The following GLTP variants were observed in gnomAD, a reference collection of about 807,000 sequenced individuals.
The protein encoded by GLTP is glycolipid transfer protein.
GLTP carries 22 observed loss-of-function variants against 24.0 expected under a neutral mutation model. That is an observed-to-expected ratio of 0.92 (90% confidence interval 0.65 to 1.31). GLTP has a LOEUF of 1.31. Ranked by LOEUF, GLTP falls within the 50% of genes most tolerant of loss-of-function variation. GLTP has a pLI of 0.00. For missense variants in GLTP, 224 were observed against 276.6 expected (o/e 0.81, Z 1.35); for synonymous variants, 92 against 115.9 (o/e 0.79, Z 1.33).
rs1404860638 is a variant in GLTP at position 109,855,496 on chromosome 12, C to A, written c.447+123G>T. ...GCCTCACCCAAATAGATGAGGGAGCCCTTCCTGAGCCCGAGGGGGTAAACA... is the reference window on the plus strand; with the variant it reads ...GCCTCACCCAAATAGATGAGGGAGCACTTCCTGAGCCCGAGGGGGTAAACA... On this transcript the variant is annotated intron_variant, in intron 4 of 4. Coordinates refer to ENST00000318348, the MANE Select transcript of GLTP (RefSeq NM_016433.4). The surrounding 1 kb of genome is among the most constrained non-coding windows in gnomAD (Gnocchi z 4.1). 7 of 812,208 alleles carry A rather than the reference C, an allele frequency of 8.6e-6. No individual in the cohort carries two copies. Among genetic ancestry groups the A allele is most frequent in the African/African-American group, 1.7e-5 (1 of 57,414 alleles). 50.3% of individuals were successfully genotyped at this position (812,208 alleles called of 1,614,324 possible).
rs184234146 is a variant in GLTP at position 109,869,839 on chromosome 12, G to A, written c.103+10433C>T. Among the ~76,000 whole-genome samples, 76 of 151,672 alleles carry A rather than the reference G, an allele frequency of 5.0e-4. No individual in the cohort carries two copies. The East Asian group carries it at 5.1e-3, about 10-fold the overall frequency. ...GGCTGGAGTGCAGTGGCGCGATCTC[G>A]GCTCACTGCAACCTCCACCTCCCAG... On this transcript the variant is annotated intron_variant, in intron 1 of 4. Coordinates refer to ENST00000318348, the MANE Select transcript of GLTP (RefSeq NM_016433.4).
intron 1 of GLTP, among the ~76,000 whole-genome samples, chr12:109,869,303 C>CAAAAAAAAA (rs140914540): frequency 4.1e-5 from 2 of 49,020 alleles, no homozygotes; most frequent in South Asian, 1.2e-3. Context: ...GGCTCTACCT[C>CAAAAAAAAA]AAAAAAAAAA....
At chr12:109,858,216 G>A (rs931858810) in intron 2 of GLTP, 9 of 457,288 alleles carry the variant, frequency 2.0e-5, no homozygotes, top group Non-Finnish European at 4.0e-5. Context: ...GATAACACAG[G>A]ACCAGCCTCA....
At chr12:109,872,552 A>AT (rs1448279461) in intron 1 of GLTP, among the ~76,000 whole-genome samples, 1 of 152,150 alleles carries the variant, frequency 6.6e-6, no homozygotes, top group African/African-American at 2.4e-5. Context: ...AGGGCCCTCC[A>AT]TAGCCCTCCT....
chr12:109,853,007 T>C (rs1212557791), intron 4 of GLTP, among the ~76,000 whole-genome samples: 1 of 152,212 alleles, frequency 6.6e-6, no homozygotes, highest in African/African-American at 2.4e-5. Flanking sequence ...TTAGCCTCTC[T>C]GAGCTTCAGC....
At chr12:109,869,570 C>T (rs534428779) in intron 1 of GLTP, among the ~76,000 whole-genome samples, 6 of 150,478 alleles carry the variant, frequency 4.0e-5, no homozygotes, top group African/African-American at 1.5e-4. Flanking sequence ...ATTCCCCAGC[C>T]TCAGCCTCCC....
intron 1 of GLTP, among the ~76,000 whole-genome samples, chr12:109,879,786 G>A (rs1869007962): frequency 6.6e-6 from 1 of 152,154 alleles, no homozygotes. Context: ...GGGTTTGTAG[G>A]TCCCATGAGG....
intron 3 of GLTP, among the ~76,000 whole-genome samples, chr12:109,856,810 C>T (rs538985225): frequency 9.8e-5 from 15 of 152,310 alleles, no homozygotes; most frequent in African/African-American, 3.6e-4. Flanking sequence ...CTGCCTCACA[C>T]GGATCACTTG....
chr12:109,852,399 A>G lies in GLTP; in HGVS notation c.*156T>C. The G allele has an allele frequency of 1.9e-6, 1 of 514,982 alleles. No homozygotes were observed. The highest frequency in any genetic ancestry group is 3.4e-6 in the Non-Finnish European group (1 of 289,922). The allele number at this position is 514,982 out of a possible 1,614,324, so 31.9% of individuals were successfully genotyped here. On this transcript the variant is annotated 3_prime_UTR_variant, in exon 5 of 5. Transcript: ENST00000318348. ...AAAAAAAAAAAAAAAAAAGACTTAA[A>G]AAACGAGGGCTGTCCCCTGCAGACT...
In GLTP at chr12:109,855,669, C is replaced by T. The variant is rs141894554; in HGVS notation, c.397G>A (p.Glu133Lys). 1 of 1,606,306 alleles carries T rather than the reference C, an allele frequency of 6.2e-7. No individual in the cohort carries two copies. Among genetic ancestry groups the T allele is most frequent in the Non-Finnish European group, 8.5e-7 (1 of 1,176,640 alleles). Residue 133 changes from glutamate to lysine, a missense_variant, in exon 4 of 5, where the codon GAG becomes AAG. Transcript: ENST00000318348. This position sits in a 1 kb window ranked among gnomAD's most constrained non-coding sequence, Gnocchi z 4.1. ...LIRVNATKAY[E>K]MALKKYHGWI... ...CCATGGTACTTCTTGAGGGCCATCT[C>T]GTAGGCCTTGGTGGCGTTGACACGG...
chr12:109,856,148 G>A (rs1474665383), intron 3 of GLTP, among the ~76,000 whole-genome samples: 11 of 152,228 alleles, frequency 7.2e-5, no homozygotes, highest in Admixed American at 3.9e-4. Flanking sequence ...CGAAGGGTTC[G>A]CGGACCACAG....
intron 1 of GLTP, among the ~76,000 whole-genome samples, chr12:109,868,858 G>C (rs960167763): frequency 6.6e-6 from 1 of 152,072 alleles, no homozygotes; most frequent in Admixed American, 6.6e-5. Flanking sequence ...TGGGGGTGCG[G>C]GTTGTCATGG....
Position 109,857,518 on chromosome 12 carries a change from C to A in GLTP, c.296+8G>T, listed in dbSNP as rs1269601023. ...CAGAGCCCAGGCCCTGCCACCTGAG[C>A]CCATCACCTTTTCAGCCACATCAGC... On this transcript the variant is annotated splice_region_variant and intron_variant, in intron 3 of 4. Transcript: ENST00000318348. This position sits in a 1 kb window ranked among gnomAD's most constrained non-coding sequence, Gnocchi z 4.3. 1 of 1,612,626 alleles carries A rather than the reference C, an allele frequency of 6.2e-7. No homozygotes were observed. Among genetic ancestry groups the A allele is most frequent in the African/African-American group, 1.3e-5 (1 of 74,888 alleles).
intron 1 of GLTP, among the ~76,000 whole-genome samples, chr12:109,869,300 C>CGT (rs1868638713): frequency 2.4e-5 from 1 of 41,542 alleles, no homozygotes; most frequent in African/African-American, 1.8e-4. Context: ...TAAGGCTCTA[C>CGT]CTCAAAAAAA....
At position 109,857,922 on chromosome 12, in the gene GLTP, G is replaced by A; in HGVS notation, c.163-263C>T. ...CCCATTTTACAGGCAGAGACACTGA[G>A]GCTCACAGAGGAGCACGGACTTGCC... On this transcript the variant is annotated intron_variant, in intron 2 of 4. Coordinates refer to ENST00000318348, the MANE Select transcript of GLTP (RefSeq NM_016433.4). This position sits in a 1 kb window ranked among gnomAD's most constrained non-coding sequence, Gnocchi z 4.3. The A allele has an allele frequency of 2.0e-6, 1 of 502,890 alleles. No individual in the cohort carries two copies. Among genetic ancestry groups the A allele is most frequent in the East Asian group, 3.9e-5 (1 of 25,752 alleles). The allele number at this position is 502,890 out of a possible 1,614,324, so 31.2% of individuals were successfully genotyped here. A position where few individuals can be genotyped will look rare whatever the true frequency, so the allele number is the denominator to read the frequency against.
At chr12:109,867,349 A>G (rs1305081551) in intron 1 of GLTP, among the ~76,000 whole-genome samples, 1 of 151,348 alleles carries the variant, frequency 6.6e-6, no homozygotes, top group East Asian at 2.0e-4. Flanking sequence ...GGGTTTCACC[A>G]TGTTGCCCAG....
chr12:109,861,884 G>A (rs1358341876), intron 1 of GLTP, among the ~76,000 whole-genome samples: 1 of 152,124 alleles, frequency 6.6e-6, no homozygotes, highest in Non-Finnish European at 1.5e-5. Context: ...TGACATCATC[G>A]TGGAAGCCAC....
At position 109,857,814 on chromosome 12, in the gene GLTP, T is replaced by C. The variant is rs775179841; in HGVS notation, c.163-155A>G. ...GACTTGTAACAATAACTATGACTGT[T>C]CACATGAGCCAGGATTTGCAAAATG... On this transcript the variant is annotated intron_variant, in intron 2 of 4. Coordinates refer to ENST00000318348, the MANE Select transcript of GLTP (RefSeq NM_016433.4). This position sits in a 1 kb window ranked among gnomAD's most constrained non-coding sequence, Gnocchi z 4.3. 4 of 744,544 alleles carry C rather than the reference T, an allele frequency of 5.4e-6. No homozygotes were observed. Among genetic ancestry groups the C allele is most frequent in the Non-Finnish European group, 9.1e-6 (4 of 439,756 alleles). 46.1% of individuals were successfully genotyped at this position (744,544 alleles called of 1,614,324 possible). A position where few individuals can be genotyped will look rare whatever the true frequency, so the allele number is the denominator to read the frequency against.
chr12:109,876,464 C>G (rs923455011), intron 1 of GLTP, among the ~76,000 whole-genome samples: 1 of 151,722 alleles, frequency 6.6e-6, no homozygotes, highest in Non-Finnish European at 1.5e-5. Flanking sequence ...CTGCACCACT[C>G]CAGCCTGGGT....
Sources: allele counts gnomAD v4.1 joint callset (sites outside exome capture counted in the v4.1 genomes callset), GRCh38; gene constraint gnomAD v4.1.1; non-coding constraint Gnocchi (gnomAD v3.1); transcripts MANE v1.5; gene names NCBI Gene and HGNC (gene_info 2026-07-23, HGNC 2026-07-21).